The following SCAF11 variants were observed in gnomAD, a reference collection of about 807,000 sequenced individuals.
The protein encoded by SCAF11 is protein SCAF11.
In SCAF11, 47 loss-of-function variants were observed where a neutral mutation model predicts 140.5. That is an observed-to-expected ratio of 0.33 (90% CI 0.26 to 0.43). The LOEUF is 0.43. Ranked by LOEUF, SCAF11 falls within the 20% of genes least tolerant of loss-of-function variation. The pLI is 1.00. For missense variants in SCAF11, 1,645 were observed against 1,705.1 expected, an observed-to-expected ratio of 0.96 and a Z score of 0.62; for synonymous variants, 557 against 579.4, an observed-to-expected ratio of 0.96 and a Z score of 0.55.
rs148580642 is a variant in SCAF11, at chr12:45,923,079, T to C, written c.3982A>G (p.Asn1328Asp). The C allele has an allele frequency of 4.7e-4, 761 of 1,614,166 alleles. 4 individuals are homozygous for C. In the African/African-American group the frequency reaches 9.1e-3, roughly 19 times the overall value. The change falls in exon 13 of 15, where the codon AAT becomes GAT. Residue 1328 changes from asparagine to aspartate, a missense_variant. Transcript: ENST00000369367. ...CTTGGTCCCTGAACCATTCCCGTAT[T>C]TCCTGGGGCTGCTGTCGGAGCAGGC... ...VLPAPTAAPGNTGMVQGPSSG... is the reference protein window; with the variant it reads ...VLPAPTAAPGDTGMVQGPSSG...
At position 45,927,252 on chromosome 12, in the gene SCAF11, G is replaced by A; in HGVS notation, c.2449C>T (p.Pro817Ser). Residue 817 changes from proline (P) to serine (S), a missense_variant, in exon 11 of 15, where the codon CCA (proline) becomes TCA (serine). By Grantham distance (74) the Pro-to-Ser change is moderately conservative (BLOSUM62 -1). This residue lies in a region of SCAF11 where 1,582 missense variants were observed against 1,609.2 expected (regional missense o/e 0.98). Transcript: ENST00000369367. ...TTCCCAGTTTCTCTTCTGGGAGATG[G>A]AGACTGGGGCCGCTTCTTTTCTTGT... ...TPQEKKRPQS[P>S]SPRRETGKES... is the part of the protein sequence containing the mutation. 6.2e-7 allele frequency: 1 copy of A among 1,614,076 alleles called. No homozygotes were observed. Among genetic ancestry groups the A allele is most frequent in the Non-Finnish European group, 8.5e-7 (1 of 1,180,004 alleles).
chr12:45,956,175 T>G (rs1945688088), intron 3 of SCAF11: 1 of 716,730 alleles, frequency 1.4e-6, no homozygotes. Flanking sequence ...TCACATAGGC[T>G]GCTTATAGAT....
intron 6 of SCAF11, among the ~76,000 whole-genome samples, chr12:45,944,574 C>G (rs1945376240): frequency 6.6e-6 from 1 of 152,188 alleles, no homozygotes; most frequent in South Asian, 2.1e-4. Flanking sequence ...AAATGCCCAC[C>G]TCCTCGCTTA....
intron 1 of SCAF11, among the ~76,000 whole-genome samples, chr12:45,972,893 GATATAT>G (rs377736896): frequency 4.7e-5 from 3 of 63,796 alleles, no homozygotes; most frequent in African/African-American, 3.9e-4. Context: ...TATATATATA[GATATAT>G]ATATATATAG....
At chr12:45,957,420 T>C (rs1945716087) in intron 3 of SCAF11, among the ~76,000 whole-genome samples, 1 of 152,200 alleles carries the variant, frequency 6.6e-6, no homozygotes. Flanking sequence ...GTATTTATTA[T>C]TAATTCAAAA....
intron 8 of SCAF11, among the ~76,000 whole-genome samples, chr12:45,933,972 A>G (rs1227327419): frequency 1.3e-5 from 2 of 152,164 alleles, no homozygotes; most frequent in Non-Finnish European, 2.9e-5. Context: ...CAATCACTGC[A>G]CAATAGAGAA....
In SCAF11 at chr12:45,921,300, C is replaced by T. The variant is rs1944706556; in HGVS notation, c.*748G>A. ...CCCGGCCGAAAGTCAACAATTTTTC[C>T]AAATCTTTTTCCTCAAAGTCTTCAA... On this transcript the variant is annotated 3_prime_UTR_variant, in exon 15 of 15. Transcript: ENST00000369367. 6.6e-6 allele frequency: 1 copy of T among 152,566 alleles called. No individual in the cohort carries two copies. Among genetic ancestry groups the T allele is most frequent in the African/African-American group, 2.4e-5 (1 of 41,418 alleles). The allele number at this position is 152,566 out of a possible 1,614,324, so 9.5% of individuals were successfully genotyped here.
intron 1 of SCAF11, among the ~76,000 whole-genome samples, chr12:45,989,980 C>A (rs557625513): frequency 5.3e-5 from 8 of 151,928 alleles, no homozygotes; most frequent in African/African-American, 1.4e-4. Context: ...CCCCTTCCCC[C>A]CCCCCCGTAG....
chr12:45,926,609 CCA>C lies in SCAF11; in HGVS notation c.3090_3091del (p.Gly1031AlafsTer2). The C allele has an allele frequency of 6.2e-7, 1 of 1,613,916 alleles. No homozygotes were observed. Among genetic ancestry groups the C allele is most frequent in the East Asian group, 2.2e-5 (1 of 44,884 alleles). Reference sequence around the variant, plus strand: ...TGGATTTCTGGTTCTTGGATCAGGCCCAGAGTTTATTTTTTCTGTTATCCAAT... The same window carrying C: ...TGGATTTCTGGTTCTTGGATCAGGCCGAGTTTATTTTTTCTGTTATCCAAT... On this transcript the variant is annotated frameshift_variant, in exon 11 of 15. Coordinates refer to ENST00000369367, the MANE Select transcript of SCAF11 (RefSeq NM_004719.3). LOFTEE classifies it high-confidence loss of function.
chr12:45,933,051 G>A, intron 9 of SCAF11, 80 bp downstream of exon 9: 2 of 884,110 alleles, frequency 2.3e-6, no homozygotes, highest in Non-Finnish European at 3.5e-6. Context: ...ATTGAATAAG[G>A]TACCCTTGTA....
chr12:45,979,585 C>T (rs555131757), intron 1 of SCAF11, among the ~76,000 whole-genome samples: 10 of 152,130 alleles, frequency 6.6e-5, no homozygotes, highest in Non-Finnish European at 1.2e-4. Context: ...TAATCCCTTA[C>T]AAATTGGTAC....
chr12:45,926,032 G>C (rs983132905), intron 11 of SCAF11, 110 bp downstream of exon 11: 1 of 1,161,986 alleles, frequency 8.6e-7, no homozygotes, highest in African/African-American at 1.6e-5. Flanking sequence ...CTAAGGTTCA[G>C]CTTATTATAA....
intron 5 of SCAF11, among the ~76,000 whole-genome samples, chr12:45,947,895 T>A (rs1187750345): frequency 6.6e-6 from 1 of 152,148 alleles, no homozygotes; most frequent in African/African-American, 2.4e-5. Flanking sequence ...TAGGCTGGTC[T>A]TGAACTCCTG....
At chr12:45,986,506 C>T (rs966279594) in intron 1 of SCAF11, among the ~76,000 whole-genome samples, 1 of 152,280 alleles carries the variant, frequency 6.6e-6, no homozygotes, top group South Asian at 2.1e-4. Flanking sequence ...TCTCTTGCTG[C>T]CTCTCTCCTC....
intron 3 of SCAF11, among the ~76,000 whole-genome samples, chr12:45,958,274 T>C (rs1369816747): frequency 4.6e-5 from 7 of 152,210 alleles, no homozygotes; most frequent in Non-Finnish European, 4.4e-5. Flanking sequence ...TAGGAAATCA[T>C]AATTGTCACT....
At chr12:45,978,723 A>AC (rs892266203) in intron 1 of SCAF11, among the ~76,000 whole-genome samples, 1 of 152,162 alleles carries the variant, frequency 6.6e-6, no homozygotes, top group African/African-American at 2.4e-5. Context: ...TTTTACTTCA[A>AC]CACTTGGTGT....
chr12:45,947,596 T>C (rs187044756), intron 5 of SCAF11, among the ~76,000 whole-genome samples: 101 of 152,330 alleles, frequency 6.6e-4, no homozygotes, highest in African/African-American at 2.3e-3. Flanking sequence ...CTATTTACAG[T>C]GTGGTATGAG....
At position 45,928,871 on chromosome 12, in the gene SCAF11, T is replaced by A. The variant is rs564451245; in HGVS notation, c.842-12A>T. The A allele has an allele frequency of 1.0e-3, 1,039 of 1,025,152 alleles. 4 individuals are homozygous for A. In the South Asian group the frequency reaches 0.015, roughly 15 times the overall value. The allele number at this position is 1,025,152 out of a possible 1,614,324, so 63.5% of individuals were successfully genotyped here. A position where few individuals can be genotyped will look rare whatever the true frequency, so the allele number is the denominator to read the frequency against. ...CTTGCAAGAAGTACCTAATAATATTTAAAAAAAAAAAAAAAGTAAAAAATA... is the reference window on the plus strand; with the variant it reads ...CTTGCAAGAAGTACCTAATAATATTAAAAAAAAAAAAAAAAGTAAAAAATA... On this transcript the variant is annotated splice_polypyrimidine_tract_variant and intron_variant, in intron 10 of 14. Coordinates refer to ENST00000369367, the MANE Select transcript of SCAF11 (RefSeq NM_004719.3).
chr12:45,990,240 T>G lies in SCAF11; in HGVS notation c.-22+113A>C, dbSNP rs1364633147. 10 of 1,220,040 alleles carry G rather than the reference T, an allele frequency of 8.2e-6. No homozygotes were observed. The East Asian group carries it at 2.9e-4, about 35-fold the overall frequency. 75.6% of individuals were successfully genotyped at this position (1,220,040 alleles called of 1,614,324 possible). A position where few individuals can be genotyped will look rare whatever the true frequency, so the allele number is the denominator to read the frequency against. On this transcript the variant is annotated intron_variant, in intron 1 of 14. Coordinates refer to ENST00000369367, the MANE Select transcript of SCAF11 (RefSeq NM_004719.3). ...GGCCGCGCGAGATTCCGAAACTTTG[T>G]CAGCCCTCGCGTCGCCCTAGGCCCG... is the stretch of plus-strand genomic sequence containing the variant.
Sources: allele counts gnomAD v4.1 joint callset (sites outside exome capture counted in the v4.1 genomes callset), GRCh38; gene constraint gnomAD v4.1.1; regional missense constraint gnomAD v4.1.1; transcripts MANE v1.5; gene names NCBI Gene and HGNC (gene_info 2026-07-23, HGNC 2026-07-21).